The following TOMM22 variants were observed in gnomAD, a reference collection of about 807,000 sequenced individuals.
The protein encoded by TOMM22 is translocase of outer mitochondrial membrane 22, also known as mitochondrial import receptor subunit TOM22 homolog.
In TOMM22, 3 loss-of-function variants were observed where a neutral mutation model predicts 17.1. The ratio of observed to expected loss-of-function variants is 0.18; its 90% CI spans 0.08 to 0.45. TOMM22 has a LOEUF of 0.45. Among genes scored for constraint, TOMM22 ranks in the 20% least tolerant of loss-of-function variants. TOMM22 has a pLI of 0.99. For missense variants in TOMM22, 159 were observed against 179.5 expected (o/e 0.89, Z 0.65); for synonymous variants, 91 against 74.0 (o/e 1.23, Z -1.18).
rs200022213 is a variant in TOMM22 at position 38,683,150 on chromosome 22, G to C, written c.354+154G>C. ...TGGGGGTGGCCGGGGGTCGGGGGGG[G>C]GGTTCTGGATGATTCAAGTGCATTA... On this transcript the variant is annotated intron_variant, in intron 3 of 3. Coordinates refer to ENST00000216034, the MANE Select transcript of TOMM22 (RefSeq NM_020243.5). 7.5e-4 allele frequency among the ~76,000 whole-genome samples: 103 copies of C among 137,018 alleles called. 1 individual carries two copies. The highest frequency in any genetic ancestry group is 2.3e-3 in the Admixed American group (32 of 13,622). The allele number at this position is 137,018 out of a possible 152,430, so 89.9% of individuals were successfully genotyped here.
rs757935285 is a variant in TOMM22 at position 38,681,978 on chromosome 22, C to T, written c.-1C>T. ...TTCCGCTTCCGGTGTCCCCTACAGTCATGGCTGCCGCCGTCGCTGCTGCCG... is the reference window on the plus strand; with the variant it reads ...TTCCGCTTCCGGTGTCCCCTACAGTTATGGCTGCCGCCGTCGCTGCTGCCG... On this transcript the variant is annotated 5_prime_UTR_variant, in exon 1 of 4. Coordinates refer to ENST00000216034, the MANE Select transcript of TOMM22 (RefSeq NM_020243.5). 4.3e-6 allele frequency: 7 copies of T among 1,610,566 alleles called. No homozygotes were observed. In the East Asian group the frequency reaches 1.1e-4, roughly 26 times the overall value.
Position 38,682,085 on chromosome 22 carries a change from A to G in TOMM22, c.107A>G (p.Asp36Gly). The G allele has an allele frequency of 6.3e-7, 1 of 1,581,894 alleles. No homozygotes were observed. The highest frequency in any genetic ancestry group is 8.6e-7 in the Non-Finnish European group (1 of 1,164,004). Residue 36 changes from aspartate (D) to glycine (G), a missense_variant, in exon 1 of 4, where the codon GAC (aspartate) becomes GGC (glycine). Physicochemically the swap from Asp to Gly is moderately conservative, Grantham distance 94. Transcript: ENST00000216034. The stretch of plus-strand genomic sequence containing the variant: ...CCTGAGGAGGAGCTGGAGGAGGACG[A>G]CGATGAGGAGGTACTAGGGCCTCGC... ...EKPEEELEED[D>G]DEELDETLSE...
At chr22:38,682,205 G>GGCCCTGCTGGGCCCTGGGT (rs2092480711) in intron 1 of TOMM22, 110 bp downstream of exon 1, 1 of 1,461,236 alleles carries the variant, frequency 6.8e-7, no homozygotes, top group African/African-American at 1.4e-5. Flanking sequence ...CGGGGTTAGG[G>GGCCCTGCTGGGCCCTGGGT]GCCCTGCTGG....
Position 38,684,091 on chromosome 22 carries a change from T to G in TOMM22, c.*250T>G, listed in dbSNP as rs1206432163. The G allele has an allele frequency of 4.5e-6, 2 of 447,164 alleles. No individual in the cohort carries two copies. Among genetic ancestry groups the G allele is most frequent in the African/African-American group, 3.9e-5 (2 of 51,824 alleles). The allele number at this position is 447,164 out of a possible 1,614,324, so 27.7% of individuals were successfully genotyped here. On this transcript the variant is annotated 3_prime_UTR_variant, in exon 4 of 4. Transcript: ENST00000216034. ...ATGCAGATGGTTATTCCAGCTCTGG[T>G]CACCCGACTCCTTTCACCAAATTGC...
rs542161464 is a variant in TOMM22, at chr22:38,681,968, C to T, written c.-11C>T. The T allele has an allele frequency of 1.2e-5, 19 of 1,611,524 alleles. No individual in the cohort carries two copies. The highest frequency in any genetic ancestry group is 4.5e-5 in the East Asian group (2 of 44,826). On this transcript the variant is annotated 5_prime_UTR_variant, in exon 1 of 4. Coordinates refer to ENST00000216034, the MANE Select transcript of TOMM22 (RefSeq NM_020243.5). ...CTCACCTCCTTTCCGCTTCCGGTGTCCCCTACAGTCATGGCTGCCGCCGTC... is the reference window on the plus strand; with the variant it reads ...CTCACCTCCTTTCCGCTTCCGGTGTTCCCTACAGTCATGGCTGCCGCCGTC...
intron 2 of TOMM22, 118 bp downstream of exon 2, chr22:38,682,559 CCTTT>C (rs2092482239): frequency 2.3e-6 from 2 of 864,402 alleles, no homozygotes; most frequent in Non-Finnish European, 1.9e-6. Context: ...TGTACCCTAT[CCTTT>C]CTTAGTTTCC....
chr22:38,684,248 C>T lies in TOMM22; in HGVS notation c.*407C>T. 1 of 180,328 alleles carries T rather than the reference C, an allele frequency of 5.5e-6. No individual in the cohort carries two copies. Among genetic ancestry groups the T allele is most frequent in the Non-Finnish European group, 1.2e-5 (1 of 84,592 alleles). The allele number at this position is 180,328 out of a possible 1,614,324, so 11.2% of individuals were successfully genotyped here. On this transcript the variant is annotated 3_prime_UTR_variant, in exon 4 of 4. Coordinates refer to ENST00000216034, the MANE Select transcript of TOMM22 (RefSeq NM_020243.5). ...AATGGAGTTGTTGGGGCAGGACATG[C>T]ACACAATGTGAAACAGACAAAATGC...
intron 3 of TOMM22, 106 bp from the exon 4 acceptor site, chr22:38,683,657 TCTGA>T: frequency 6.3e-6 from 5 of 793,016 alleles, no homozygotes; most frequent in Non-Finnish European, 1.1e-5. Context: ...CTTTTAGTTG[TCTGA>T]CTGTGCTTTC....
In TOMM22 at chr22:38,684,196, G is replaced by C; in HGVS notation, c.*355G>C. On this transcript the variant is annotated 3_prime_UTR_variant, in exon 4 of 4. Transcript: ENST00000216034. Reference sequence around the variant, plus strand: ...GAGGGATGTGCCCCTGACCATTAACGACTGTTTTTTTTTTTTTTTTTTAAA... The same window carrying C: ...GAGGGATGTGCCCCTGACCATTAACCACTGTTTTTTTTTTTTTTTTTTAAA... The C allele has an allele frequency of 4.7e-6, 1 of 214,314 alleles. No individual in the cohort carries two copies. The highest frequency in any genetic ancestry group is 9.2e-6 in the Non-Finnish European group (1 of 108,110). The allele number at this position is 214,314 out of a possible 1,614,324, so 13.3% of individuals were successfully genotyped here.
At position 38,683,795 on chromosome 22, in the gene TOMM22, C is replaced by T; in HGVS notation, c.383C>T (p.Ser128Leu). Residue 128 changes from serine (S) to leucine (L), a missense_variant, in exon 4 of 4, where the codon TCA becomes TTA. Transcript: ENST00000216034. The part of the protein sequence containing the change: ...QILLGPNTGL[S>L]GGMPGALPSL... ...CTTCTAGGACCTAACACAGGGCTCT[C>T]AGGAGGAATGCCAGGGGCTCTACCC... 1 of 1,614,078 alleles carries T rather than the reference C, an allele frequency of 6.2e-7. No homozygotes were observed. Among genetic ancestry groups the T allele is most frequent in the African/African-American group, 1.3e-5 (1 of 75,024 alleles).
Position 38,683,888 on chromosome 22 carries a change from C to T in TOMM22, c.*47C>T, listed in dbSNP as rs759381326. On this transcript the variant is annotated 3_prime_UTR_variant, in exon 4 of 4. Coordinates refer to ENST00000216034, the MANE Select transcript of TOMM22 (RefSeq NM_020243.5). ...GTCTCAGTGGGATAAGTTTGAAATTCAAGTGTTTGAACTGCTGATAATTTG... is the reference window on the plus strand; with the variant it reads ...GTCTCAGTGGGATAAGTTTGAAATTTAAGTGTTTGAACTGCTGATAATTTG... 10 of 1,516,708 alleles carry T rather than the reference C, an allele frequency of 6.6e-6. No homozygotes were observed. Among genetic ancestry groups the T allele is most frequent in the Admixed American group, 1.8e-5 (1 of 54,610 alleles). The allele number at this position is 1,516,708 out of a possible 1,614,324, so 94.0% of individuals were successfully genotyped here.
intron 3 of TOMM22, among the ~76,000 whole-genome samples, chr22:38,683,344 G>C (rs2092485757): frequency 6.6e-6 from 1 of 152,144 alleles, no homozygotes. Context: ...TTCATAAGGA[G>C]CTTGCAACCT....
At position 38,684,858 on chromosome 22, in the gene TOMM22, C is replaced by T. The variant is rs928096726; in HGVS notation, c.*1017C>T. 4 of 142,554 alleles carry T rather than the reference C, an allele frequency of 2.8e-5. No individual in the cohort carries two copies. Among genetic ancestry groups the T allele is most frequent in the Non-Finnish European group, 6.0e-5 (4 of 66,622 alleles). 8.8% of individuals were successfully genotyped at this position (142,554 alleles called of 1,614,324 possible). ...AGGTCTCACTGGAGTACAGTGGTGT[C>T]GTTTGGGTTCACTGCAACCTCTTAC... On this transcript the variant is annotated 3_prime_UTR_variant, in exon 4 of 4. Transcript: ENST00000216034.
Position 38,682,011 on chromosome 22 carries a change from G to A in TOMM22, c.33G>A (p.Gly11=), listed in dbSNP as rs1307609437. 6.2e-7 allele frequency: 1 copy of A among 1,611,846 alleles called. No individual in the cohort carries two copies. ...CCGCCGTCGCTGCTGCCGGTGCAGG[G>A]GAACCCCAGTCCCCGGACGAATTGC... The part of the protein sequence containing the change: MAAAVAAAGA[G]EPQSPDELLP... Residue 11 remains glycine (G), a synonymous_variant, in exon 1 of 4, where the codon GGG becomes GGA. Transcript: ENST00000216034.
rs1664307482 is a variant in TOMM22, at chr22:38,684,792, AG to A, written c.*956del. The A allele has an allele frequency of 6.7e-6, 1 of 148,518 alleles. No homozygotes were observed. Among genetic ancestry groups the A allele is most frequent in the African/African-American group, 2.5e-5 (1 of 40,218 alleles). The allele number at this position is 148,518 out of a possible 1,614,324, so 9.2% of individuals were successfully genotyped here. ...AGTACTGATTTCTGGGGAATAGGGG[AG>A]GGGGACAGAATTTTTTTTTTTTTTT... On this transcript the variant is annotated 3_prime_UTR_variant, in exon 4 of 4. Coordinates refer to ENST00000216034, the MANE Select transcript of TOMM22 (RefSeq NM_020243.5).
At chr22:38,682,263 C>A in intron 1 of TOMM22, 60 bp from the exon 2 acceptor site, 1 of 1,576,416 alleles carries the variant, frequency 6.3e-7, no homozygotes, top group Non-Finnish European at 8.7e-7. Context: ...CCCAGTGCCG[C>A]AGCGGGGCCA....
chr22:38,684,062 A>T lies in TOMM22; in HGVS notation c.*221A>T, dbSNP rs1268214034. 3 of 526,092 alleles carry T rather than the reference A, an allele frequency of 5.7e-6. No homozygotes were observed. Among genetic ancestry groups the T allele is most frequent in the Non-Finnish European group, 1.0e-5 (3 of 290,494 alleles). 32.6% of individuals were successfully genotyped at this position (526,092 alleles called of 1,614,324 possible). ...TGTCTCCACTCTGATACCAGAGTGC[A>T]GCCATGCAGATGGTTATTCCAGCTC... On this transcript the variant is annotated 3_prime_UTR_variant, in exon 4 of 4. Coordinates refer to ENST00000216034, the MANE Select transcript of TOMM22 (RefSeq NM_020243.5).
rs1428136204 is a variant in TOMM22 at position 38,684,060 on chromosome 22, G to A, written c.*219G>A. 1 of 526,524 alleles carries A rather than the reference G, an allele frequency of 1.9e-6. No individual in the cohort carries two copies. Among genetic ancestry groups the A allele is most frequent in the East Asian group, 2.8e-5 (1 of 35,172 alleles). The allele number at this position is 526,524 out of a possible 1,614,324, so 32.6% of individuals were successfully genotyped here. A position where few individuals can be genotyped will look rare whatever the true frequency, so the allele number is the denominator to read the frequency against. ...TCTGTCTCCACTCTGATACCAGAGT[G>A]CAGCCATGCAGATGGTTATTCCAGC... On this transcript the variant is annotated 3_prime_UTR_variant, in exon 4 of 4. Transcript: ENST00000216034.
In TOMM22 at chr22:38,685,101, G is replaced by GT. The variant is rs2092492752; in HGVS notation, c.*1263dup. 6.6e-6 allele frequency: 1 copy of GT among 152,110 alleles called. No homozygotes were observed. The highest frequency in any genetic ancestry group is 1.5e-5 in the Non-Finnish European group (1 of 68,028). The allele number at this position is 152,110 out of a possible 1,614,324, so 9.4% of individuals were successfully genotyped here. A position where few individuals can be genotyped will look rare whatever the true frequency, so the allele number is the denominator to read the frequency against. On this transcript the variant is annotated 3_prime_UTR_variant, in exon 4 of 4. Coordinates refer to ENST00000216034, the MANE Select transcript of TOMM22 (RefSeq NM_020243.5). Reference sequence around the variant, plus strand: ...CCCAGCCAGAGTAAGCCTTTTGTGTGTTTATCAGATCAACCAACACTACAA... The same window carrying GT: ...CCCAGCCAGAGTAAGCCTTTTGTGTGTTTTATCAGATCAACCAACACTACAA...
Sources: allele counts gnomAD v4.1 joint callset (sites outside exome capture counted in the v4.1 genomes callset), GRCh38; gene constraint gnomAD v4.1.1; transcripts MANE v1.5; gene names NCBI Gene and HGNC (gene_info 2026-07-23, HGNC 2026-07-21).